The following MED12L variants were observed in gnomAD, a reference collection of about 807,000 sequenced individuals.
The protein encoded by MED12L is mediator of RNA polymerase II transcription subunit 12-like protein.
In MED12L, 60 loss-of-function variants were observed where a neutral mutation model predicts 281.3. The ratio of observed to expected loss-of-function variants is 0.21; its 90% CI spans 0.17 to 0.26. MED12L has a LOEUF of 0.26. MED12L is among the 10% of genes least tolerant of loss of function. The pLI, the probability that MED12L is intolerant of heterozygous loss-of-function variation, is 1.00. For synonymous variants in MED12L, 974 were observed against 987.2 expected, an observed-to-expected ratio of 0.99 and a Z score of 0.25; for missense variants, 2,146 against 2,680.9, an observed-to-expected ratio of 0.80 and a Z score of 4.41.
At chr3:151,283,226 C>T (rs1045940309) in intron 16 of MED12L, among the ~76,000 whole-genome samples, 4 of 152,160 alleles carry the variant, frequency 2.6e-5, no homozygotes, top group African/African-American at 7.2e-5. Flanking sequence ...TGGATACTAA[C>T]GTTGAGTCAT....
intron 16 of MED12L, among the ~76,000 whole-genome samples, chr3:151,349,549 A>C (rs1213034925): frequency 6.6e-6 from 1 of 152,098 alleles, no homozygotes; most frequent in East Asian, 1.9e-4. Context: ...CTCCCAAAGC[A>C]CTGGGATTAC....
At position 151,355,168 on chromosome 3, in the gene MED12L, C is replaced by T. The variant is rs1272476540; in HGVS notation, c.2446C>T (p.Pro816Ser). The T allele has an allele frequency of 3.7e-6, 6 of 1,613,886 alleles. No homozygotes were observed. Among genetic ancestry groups the T allele is most frequent in the Non-Finnish European group, 5.1e-6 (6 of 1,179,950 alleles). Residue 816 changes from proline (P) to serine (S), a missense_variant, in exon 18 of 45, where the codon CCA (proline) becomes TCA (serine). This residue lies in a region of MED12L where 404 missense variants were observed against 603.5 expected (regional missense o/e 0.67). Coordinates refer to ENST00000687756, the MANE Select transcript of MED12L (RefSeq NM_001393769.1). ...CAGGAAGAACAAACAGGAGACATTTCCAACACTGGAGACTGTGTTCACTAA... is the reference window on the plus strand; with the variant it reads ...CAGGAAGAACAAACAGGAGACATTTTCAACACTGGAGACTGTGTTCACTAA... The part of the protein sequence containing the change: ...KARKNKQETF[P>S]TLETVFTKLQ...
intron 2 of MED12L, among the ~76,000 whole-genome samples, chr3:151,114,746 G>A (rs951269440): frequency 6.6e-6 from 1 of 150,966 alleles, no homozygotes; most frequent in Admixed American, 6.6e-5. Flanking sequence ...TCTGGGTAGG[G>A]CAAGAAGGTT....
In MED12L at chr3:151,435,578, T is replaced by TAAGA. The variant is rs879350775; in HGVS notation, c.*2775_*2778dup. 4 of 152,038 alleles carry TAAGA rather than the reference T, an allele frequency of 2.6e-5. No homozygotes were observed. Among genetic ancestry groups the TAAGA allele is most frequent in the Non-Finnish European group, 5.9e-5 (4 of 68,022 alleles). 9.4% of individuals were successfully genotyped at this position (152,038 alleles called of 1,614,324 possible). Reference sequence around the variant, plus strand: ...TCTCGGTTTTGTGCACTGAGATATCTAAGACCTATGGCATTTTTTTCCCAT... The same window carrying TAAGA: ...TCTCGGTTTTGTGCACTGAGATATCTAAGAAAGACCTATGGCATTTTTTTCCCAT... On this transcript the variant is annotated 3_prime_UTR_variant, in exon 45 of 45. Transcript: ENST00000687756.
chr3:151,368,610 A>G (rs1202839879), intron 25 of MED12L, among the ~76,000 whole-genome samples: 2 of 67,648 alleles, frequency 3.0e-5, no homozygotes, highest in African/African-American at 1.4e-4. Flanking sequence ...ATTTTATTTT[A>G]TTTTATTTTA....
intron 14 of MED12L, 119 bp downstream of exon 14, chr3:151,191,050 A>G: frequency 1.2e-6 from 1 of 853,304 alleles, no homozygotes; most frequent in Non-Finnish European, 1.8e-6. Context: ...CTTTTGCCCC[A>G]GTGGTTGTTT....
intron 2 of MED12L, among the ~76,000 whole-genome samples, chr3:151,105,952 T>C (rs892795605): frequency 6.6e-6 from 1 of 152,228 alleles, no homozygotes; most frequent in African/African-American, 2.4e-5. Context: ...ACAACCTTGC[T>C]GTTTGTCATT....
chr3:151,158,769 T>A lies in MED12L; in HGVS notation c.807T>A (p.Leu269=), dbSNP rs762169333. ...LEKIRPMDDD[L]LKLLLPLMLQ... ...AGATCAGACCAATGGATGATGATCT[T>A]CTTAAACTCTTGCTACCACTAATGC... The change falls in exon 7 of 45, where the codon CTT becomes CTA. Residue 269 remains leucine (L), a synonymous_variant. Coordinates refer to ENST00000687756, the MANE Select transcript of MED12L (RefSeq NM_001393769.1). 3 of 1,612,748 alleles carry A rather than the reference T, an allele frequency of 1.9e-6. No homozygotes were observed. Among genetic ancestry groups the A allele is most frequent in the Non-Finnish European group, 2.5e-6 (3 of 1,179,036 alleles).
At chr3:151,255,875 G>A (rs1368482952) in intron 16 of MED12L, among the ~76,000 whole-genome samples, 1 of 152,126 alleles carries the variant, frequency 6.6e-6, no homozygotes, top group African/African-American at 2.4e-5. Flanking sequence ...CTCTCAATCT[G>A]TTTCCCCATC....
chr3:151,116,386 G>T lies in MED12L; in HGVS notation c.148G>T (p.Ala50Ser). 6.2e-7 allele frequency: 1 copy of T among 1,613,538 alleles called. No individual in the cohort carries two copies. The highest frequency in any genetic ancestry group is 8.5e-7 in the Non-Finnish European group (1 of 1,179,632). Residue 50 changes from alanine (A) to serine (S), a missense_variant, in exon 3 of 45, where the codon GCC (alanine) becomes TCC (serine). Physicochemically the swap from Ala to Ser is moderately conservative, Grantham distance 99. Coordinates refer to ENST00000687756, the MANE Select transcript of MED12L (RefSeq NM_001393769.1). Reference sequence around the variant, plus strand: ...AAAGCAAGGCTTCAATAATCAGCCAGCCTTCACTGGAGATGAACATGGCTC... The same window carrying T: ...AAAGCAAGGCTTCAATAATCAGCCATCCTTCACTGGAGATGAACATGGCTC... The part of the protein sequence containing the change: ...NVKQGFNNQP[A>S]FTGDEHGSAR...
chr3:151,338,647 CT>C, intron 16 of MED12L: 1 of 1,613,812 alleles, frequency 6.2e-7, no homozygotes, highest in Non-Finnish European at 8.5e-7. Flanking sequence ...TCAGAAATGA[CT>C]GTGTTCTTAA....
intron 16 of MED12L, among the ~76,000 whole-genome samples, chr3:151,216,538 T>A (rs1728266706): frequency 6.6e-6 from 1 of 152,250 alleles, no homozygotes; most frequent in South Asian, 2.1e-4. Flanking sequence ...CCATATGCTT[T>A]CCTTTTGCTT....
intron 16 of MED12L, among the ~76,000 whole-genome samples, chr3:151,220,381 C>G (rs1412353913): frequency 6.6e-6 from 1 of 152,028 alleles, no homozygotes; most frequent in Non-Finnish European, 1.5e-5. Context: ...AGTGAGTGCT[C>G]CCTAAACTTT....
At chr3:151,103,582 T>A (rs967784046) in intron 2 of MED12L, among the ~76,000 whole-genome samples, 1 of 152,236 alleles carries the variant, frequency 6.6e-6, no homozygotes, top group African/African-American at 2.4e-5. Context: ...TTTTGGGCCA[T>A]ATGTGCTGGT....
At chr3:151,267,148 GAACTATC>G (rs1470454642) in intron 16 of MED12L, among the ~76,000 whole-genome samples, 109 of 152,208 alleles carry the variant, frequency 7.2e-4, no homozygotes, top group African/African-American at 2.6e-3. Flanking sequence ...CTGTTTACAG[GAACTATC>G]AACTAAACAC....
chr3:151,126,666 A>T (rs1714575043), intron 4 of MED12L, among the ~76,000 whole-genome samples: 1 of 152,154 alleles, frequency 6.6e-6, no homozygotes, highest in Non-Finnish European at 1.5e-5. Context: ...GGACAGAGAG[A>T]CCAGGGCTCT....
chr3:151,419,395 G>T (rs927931578), intron 43 of MED12L, among the ~76,000 whole-genome samples: 1 of 152,166 alleles, frequency 6.6e-6, no homozygotes, highest in Non-Finnish European at 1.5e-5. Flanking sequence ...ATCCAACACG[G>T]GAGAAAGATG....
In MED12L at chr3:151,435,833, A is replaced by AATT. The variant is rs1191954212; in HGVS notation, c.*3031_*3032insTAT. 6.6e-6 allele frequency: 1 copy of AATT among 152,094 alleles called. No homozygotes were observed. Among genetic ancestry groups the AATT allele is most frequent in the Admixed American group, 6.6e-5 (1 of 15,264 alleles). 9.4% of individuals were successfully genotyped at this position (152,094 alleles called of 1,614,324 possible). A position where few individuals can be genotyped will look rare whatever the true frequency, so the allele number is the denominator to read the frequency against. On this transcript the variant is annotated 3_prime_UTR_variant, in exon 45 of 45. Coordinates refer to ENST00000687756, the MANE Select transcript of MED12L (RefSeq NM_001393769.1). Reference sequence around the variant, plus strand: ...AATACAGTGAAACTTCATTATATATAATAGACCTAGACCCTCCCAAGCATT... The same window carrying AATT: ...AATACAGTGAAACTTCATTATATATAATTATAGACCTAGACCCTCCCAAGCATT...
chr3:151,122,964 T>G lies in MED12L; in HGVS notation c.386T>G (p.Leu129Trp), dbSNP rs1478460451. 6.2e-7 allele frequency: 1 copy of G among 1,600,814 alleles called. No individual in the cohort carries two copies. Among genetic ancestry groups the G allele is most frequent in the Non-Finnish European group, 8.5e-7 (1 of 1,175,000 alleles). ...DLAGNKPLSI[L>W]AKKVPILSKK... ...GCAGGAAATAAGCCACTTTCTATTT[T>G]GGCAAAAAAGGTATCAAATATTTCT... Residue 129 changes from leucine to tryptophan, a missense_variant, in exon 4 of 45, where the codon TTG (leucine) becomes TGG (tryptophan). By Grantham distance (61) the Leu-to-Trp change is moderately conservative. Coordinates refer to ENST00000687756, the MANE Select transcript of MED12L (RefSeq NM_001393769.1).
Sources: gnomAD v4.1 joint callset for allele counts (sites outside exome capture counted in the v4.1 genomes callset) on GRCh38, gnomAD v4.1.1 for gene constraint, gnomAD v4.1.1 regional missense constraint, MANE v1.5 for transcripts, NCBI Gene and HGNC (gene_info 2026-07-23, HGNC 2026-07-21) for gene names.